HDAC9: variants seen among roughly 807,000 people sequenced by gnomAD.
HDAC9 encodes the protein MEF-2 interacting transcription repressor (MITR) protein.
HDAC9 carries 41 observed loss-of-function variants against 139.4 expected under a neutral mutation model. The ratio of observed to expected loss-of-function variants is 0.29; its 90% CI spans 0.23 to 0.38. The LOEUF (loss-of-function observed/expected upper bound fraction) is 0.38. Among genes scored for constraint, HDAC9 ranks in the 10% least tolerant of loss-of-function variants. The pLI, the probability that HDAC9 is intolerant of heterozygous loss-of-function variation, is 1.00. For missense variants in HDAC9, 1,147 were observed against 1,297.0 expected (o/e 0.88, Z 1.78); for synonymous variants, 517 against 476.2 (o/e 1.09, Z -1.12).
intron 1 of HDAC9, among the ~76,000 whole-genome samples, chr7:18,298,579 C>A (rs1027215049): frequency 6.6e-6 from 1 of 152,070 alleles, no homozygotes; most frequent in Non-Finnish European, 1.5e-5. Context: ...ATGATGATTT[C>A]CAATTTCATC....
chr7:18,443,810 A>G (rs896110654), intron 1 of HDAC9, among the ~76,000 whole-genome samples: 9 of 151,786 alleles, frequency 5.9e-5, no homozygotes, highest in Non-Finnish European at 1.0e-4. Context: ...GTGTGTATAT[A>G]TATACATATA....
chr7:18,743,479 A>C (rs1315165538), intron 13 of HDAC9, among the ~76,000 whole-genome samples: 1 of 152,144 alleles, frequency 6.6e-6, no homozygotes, highest in Non-Finnish European at 1.5e-5. Flanking sequence ...TGGATACATC[A>C]AGTTTCACAA....
intron 2 of HDAC9, among the ~76,000 whole-genome samples, chr7:18,277,126 C>G (rs1404106380): frequency 6.6e-6 from 1 of 151,992 alleles, no homozygotes; most frequent in African/African-American, 2.4e-5. Context: ...AGGCACAAAG[C>G]TAGATGAATG....
intron 1 of HDAC9, among the ~76,000 whole-genome samples, chr7:18,437,576 TTA>T (rs995536569): frequency 6.0e-5 from 9 of 148,828 alleles, no homozygotes; most frequent in African/African-American, 9.8e-5. Flanking sequence ...ATCTGAAAGT[TTA>T]TATATATATA....
intron 14 of HDAC9, among the ~76,000 whole-genome samples, chr7:18,751,326 G>A (rs1198769940): frequency 6.6e-6 from 1 of 151,982 alleles, no homozygotes; most frequent in Non-Finnish European, 1.5e-5. Context: ...ACACTCACAA[G>A]CCCAGGTCAG....
chr7:18,168,924 TGTGC>T (rs1200539058), intron 2 of HDAC9, among the ~76,000 whole-genome samples: 3 of 136,096 alleles, frequency 2.2e-5, no homozygotes, highest in African/African-American at 5.8e-5. Flanking sequence ...TGTGTGTGTG[TGTGC>T]GCGCATGTGT....
intron 1 of HDAC9, among the ~76,000 whole-genome samples, chr7:18,316,882 A>G: frequency 6.6e-6 from 1 of 151,688 alleles, no homozygotes; most frequent in East Asian, 1.9e-4. Context: ...TCACGAGGTC[A>G]GGAGATCGAG....
At chr7:18,569,523 C>T (rs1823554195) in intron 2 of HDAC9, among the ~76,000 whole-genome samples, 1 of 152,144 alleles carries the variant, frequency 6.6e-6, no homozygotes, top group South Asian at 2.1e-4. Context: ...ACTGATATCT[C>T]AGAGCTGTGC....
chr7:18,684,426 G>A (rs1562849758), intron 12 of HDAC9, among the ~76,000 whole-genome samples: 1 of 151,818 alleles, frequency 6.6e-6, no homozygotes. Flanking sequence ...GATTGCTTGA[G>A]CCCAGGAGTT....
At chr7:18,183,171 G>A (rs574042075) in intron 2 of HDAC9, among the ~76,000 whole-genome samples, 9 of 150,620 alleles carry the variant, frequency 6.0e-5, no homozygotes, top group African/African-American at 1.2e-4. Context: ...CACCACACCC[G>A]GCTAATTTTT....
intron 13 of HDAC9, among the ~76,000 whole-genome samples, chr7:18,732,993 A>G (rs1338909819): frequency 2.8e-5 from 4 of 142,454 alleles, no homozygotes; most frequent in Non-Finnish European, 4.6e-5. Context: ...ATGTGTGTGT[A>G]TGTGTATATA....
intron 1 of HDAC9, among the ~76,000 whole-genome samples, chr7:18,129,752 T>C (rs1430997415): frequency 2.0e-5 from 3 of 152,150 alleles, no homozygotes; most frequent in Non-Finnish European, 4.4e-5. Context: ...TGAATTGTGC[T>C]AGGCACAAAA....
chr7:18,151,249 T>C (rs1348173291), intron 1 of HDAC9, among the ~76,000 whole-genome samples: 2 of 152,202 alleles, frequency 1.3e-5, no homozygotes, highest in African/African-American at 4.8e-5. Flanking sequence ...TCTTGTGGAT[T>C]GAGTGCGGAG....
rs147789518 is a variant in HDAC9, at chr7:18,931,155, G to A, written c.2804-4654G>A. On this transcript the variant is annotated intron_variant, in intron 22 of 25. Transcript: ENST00000686413. ...ACAGAAATGTGTCCTTACCTATTAGGTTTTTTACATAAATTTTCTAGAATG... is the reference window on the plus strand; with the variant it reads ...ACAGAAATGTGTCCTTACCTATTAGATTTTTTACATAAATTTTCTAGAATG... 2.8e-4 allele frequency among the ~76,000 whole-genome samples: 43 copies of A among 152,210 alleles called. No homozygotes were observed. The East Asian group carries it at 7.7e-3, about 27-fold the overall frequency.
chr7:18,162,101 T>G (rs192416132), intron 1 of HDAC9: 1 of 534,136 alleles, frequency 1.9e-6, no homozygotes, highest in Non-Finnish European at 3.3e-6. Flanking sequence ...AAGGTTGATA[T>G]GACTGCCTCA....
At chr7:18,516,071 GT>G (rs1274472261) in intron 2 of HDAC9, among the ~76,000 whole-genome samples, 2 of 152,100 alleles carry the variant, frequency 1.3e-5, no homozygotes, top group Admixed American at 1.3e-4. Context: ...AGGTTCTTCA[GT>G]CACACTTAAA....
intron 2 of HDAC9, among the ~76,000 whole-genome samples, chr7:18,564,082 G>A (rs554402686): frequency 1.2e-4 from 18 of 152,046 alleles, no homozygotes; most frequent in African/African-American, 3.4e-4. Context: ...TGATCCGCCC[G>A]CCCCGGCCTC....
At chr7:18,136,674 G>T (rs1785442849) in intron 1 of HDAC9, among the ~76,000 whole-genome samples, 1 of 151,910 alleles carries the variant, frequency 6.6e-6, no homozygotes, top group African/African-American at 2.4e-5. Flanking sequence ...TCTCTGTTTT[G>T]GTACCAGTAC....
At chr7:18,366,870 T>G (rs998398916) in intron 1 of HDAC9, among the ~76,000 whole-genome samples, 1 of 150,274 alleles carries the variant, frequency 6.7e-6, no homozygotes, top group African/African-American at 2.5e-5. Flanking sequence ...ATCTTCTATA[T>G]ATTGTGTACT....
Sources: allele counts gnomAD v4.1 joint callset (sites outside exome capture counted in the v4.1 genomes callset), GRCh38; gene constraint gnomAD v4.1.1; transcripts MANE v1.5; gene names NCBI Gene and HGNC (gene_info 2026-07-23, HGNC 2026-07-21).